The following AQP9 variants were observed in gnomAD, a reference collection of about 807,000 sequenced individuals.
AQP9 encodes aquaporin 9.
AQP9 carries 19 observed loss-of-function variants against 23.8 expected under a neutral mutation model. That is an observed-to-expected ratio of 0.80 (90% CI 0.56 to 1.17). The LOEUF (loss-of-function observed/expected upper bound fraction) is 1.17. Ranked by LOEUF, AQP9 falls within the 50% of genes most tolerant of loss-of-function variation. AQP9 has a pLI of 0.00. For synonymous variants in AQP9, 153 were observed against 131.5 expected, an observed-to-expected ratio of 1.16 and a Z score of -1.12; for missense variants, 413 against 362.0, an observed-to-expected ratio of 1.14 and a Z score of -1.14.
intron 1 of AQP9, chr15:58,153,032 G>T (rs186266932): frequency 6.6e-6 from 1 of 152,264 alleles, no homozygotes; most frequent in East Asian, 1.9e-4. Flanking sequence ...TATTGGATGA[G>T]AAGGTGTGGG....
chr15:58,147,418 G>C (rs1447388997), intron 1 of AQP9, among the ~76,000 whole-genome samples: 1 of 152,154 alleles, frequency 6.6e-6, no homozygotes, highest in South Asian at 2.1e-4. Context: ...GAAGAAATTA[G>C]GTGCCCATTA....
chr15:58,139,327 C>T (rs56019418), intron 1 of AQP9, among the ~76,000 whole-genome samples: 2,064 of 152,226 alleles, frequency 0.014, 30 homozygotes, highest in Non-Finnish European at 0.022. Context: ...TAGATATAAA[C>T]GAGGGACGAC....
chr15:58,177,254 A>G (rs545421053), intron 4 of AQP9, among the ~76,000 whole-genome samples: 2 of 152,306 alleles, frequency 1.3e-5, no homozygotes, highest in South Asian at 4.1e-4. Context: ...TATTTACCCA[A>G]TAACTATTTA....
At position 58,173,219 on chromosome 15, in the gene AQP9, C is replaced by T. The variant is rs1566989314; in HGVS notation, c.376+14C>T. 6.2e-7 allele frequency: 1 copy of T among 1,614,002 alleles called. No homozygotes were observed. The highest frequency in any genetic ancestry group is 8.5e-7 in the Non-Finnish European group (1 of 1,179,982). The stretch of plus-strand genomic sequence containing the variant: ...GCATTTACTATGGTGAGTAAAGTCC[C>T]TGAGTCCTAAGGTTAGGAAGAGCTG... On this transcript the variant is annotated intron_variant, in intron 3 of 5. Coordinates refer to ENST00000219919, the MANE Select transcript of AQP9 (RefSeq NM_020980.5).
intron 4 of AQP9, among the ~76,000 whole-genome samples, chr15:58,177,768 T>C (rs1898791704): frequency 6.6e-6 from 1 of 152,226 alleles, no homozygotes; most frequent in South Asian, 2.1e-4. Flanking sequence ...CAATAAATAA[T>C]AGCTATCATT....
In AQP9 at chr15:58,166,713, G is replaced by A. The variant is rs751975709; in HGVS notation, c.152G>A (p.Arg51Gln). 1.7e-5 allele frequency: 27 copies of A among 1,613,166 alleles called. No individual in the cohort carries two copies. The highest frequency in any genetic ancestry group is 1.6e-4 in the Middle Eastern group (1 of 6,082). The change falls in exon 2 of 6, where the codon CGA (arginine) becomes CAA (glutamine). Residue 51 changes from arginine to glutamine, a missense_variant. Coordinates refer to ENST00000219919, the MANE Select transcript of AQP9 (RefSeq NM_020980.5). The part of the protein sequence containing the change: ...CGCVAQAILS[R>Q]GRFGGVITIN... ...TGTGTTGCCCAAGCTATTCTCAGTC[G>A]AGGACGTTTTGGAGGGGTCATCACT...
chr15:58,139,261 A>G (rs1897911639), intron 1 of AQP9, among the ~76,000 whole-genome samples: 1 of 152,230 alleles, frequency 6.6e-6, no homozygotes, highest in Non-Finnish European at 1.5e-5. Context: ...CTCTATTTAA[A>G]GCAAAGTAAT....
chr15:58,174,909 C>A lies in AQP9; in HGVS notation c.377-9C>A, dbSNP rs773916250. ...GAACACTAATGTGCCAGAGCTTTCTCTTTCATAGATGGACTTATGTCCTTT... is the reference window on the plus strand; with the variant it reads ...GAACACTAATGTGCCAGAGCTTTCTATTTCATAGATGGACTTATGTCCTTT... On this transcript the variant is annotated splice_polypyrimidine_tract_variant and intron_variant, in intron 3 of 5. Coordinates refer to ENST00000219919, the MANE Select transcript of AQP9 (RefSeq NM_020980.5). 1 of 1,611,622 alleles carries A rather than the reference C, an allele frequency of 6.2e-7. No individual in the cohort carries two copies. Among genetic ancestry groups the A allele is most frequent in the Admixed American group, 1.7e-5 (1 of 60,020 alleles).
intron 2 of AQP9, 80 bp from the exon 3 acceptor site, chr15:58,172,988 T>G: frequency 6.4e-7 from 1 of 1,566,662 alleles, no homozygotes; most frequent in Non-Finnish European, 8.7e-7. Context: ...AAGACTGAAT[T>G]CCACCTGAGG....
intron 5 of AQP9, among the ~76,000 whole-genome samples, chr15:58,181,098 G>A (rs1898877976): frequency 1.3e-5 from 2 of 152,140 alleles, no homozygotes; most frequent in African/African-American, 2.4e-5. Context: ...AAAGAGACAT[G>A]GTGGTTCCAA....
At chr15:58,162,702 T>C (rs1898408547) in intron 1 of AQP9, among the ~76,000 whole-genome samples, 1 of 152,154 alleles carries the variant, frequency 6.6e-6, no homozygotes, top group Non-Finnish European at 1.5e-5. Flanking sequence ...TCAGCAACCA[T>C]ATTGTAAAGA....
At chr15:58,175,099 C>T in intron 4 of AQP9, 63 bp downstream of exon 4, 1 of 1,397,834 alleles carries the variant, frequency 7.2e-7, no homozygotes, top group South Asian at 1.2e-5. Flanking sequence ...AAGGGGAATG[C>T]ATTGGAGAAT....
intron 5 of AQP9, among the ~76,000 whole-genome samples, chr15:58,182,108 A>T (rs1314445673): frequency 6.6e-6 from 1 of 152,232 alleles, no homozygotes; most frequent in Admixed American, 6.5e-5. Context: ...GCAAGAGTCA[A>T]CAGACCCTGG....
intron 1 of AQP9, among the ~76,000 whole-genome samples, chr15:58,140,778 G>T (rs542447590): frequency 1.3e-5 from 2 of 151,966 alleles, no homozygotes; most frequent in Non-Finnish European, 2.9e-5. Flanking sequence ...TTTTTTTTCC[G>T]CCAACCTTGG....
intron 5 of AQP9, among the ~76,000 whole-genome samples, chr15:58,182,521 T>A (rs545775613): frequency 1.3e-4 from 20 of 152,270 alleles, no homozygotes; most frequent in African/African-American, 4.8e-4. Context: ...AGGAAGAAAT[T>A]TGCCATAAAA....
intron 1 of AQP9, among the ~76,000 whole-genome samples, chr15:58,146,555 C>T (rs963610854): frequency 2.6e-5 from 4 of 152,210 alleles, no homozygotes; most frequent in South Asian, 2.1e-4. Flanking sequence ...TCTGTCGTCT[C>T]GAGTTGCGGG....
intron 1 of AQP9, among the ~76,000 whole-genome samples, chr15:58,143,909 A>G (rs1312519554): frequency 6.6e-6 from 1 of 152,224 alleles, no homozygotes; most frequent in Non-Finnish European, 1.5e-5. Context: ...TATGTGTATT[A>G]TAAAATTGCT....
intron 1 of AQP9, among the ~76,000 whole-genome samples, chr15:58,159,809 C>A (rs1480531037): frequency 6.6e-6 from 1 of 152,160 alleles, no homozygotes; most frequent in Admixed American, 6.5e-5. Flanking sequence ...CCTCCAGTTC[C>A]ATTCACATTG....
At chr15:58,150,227 G>A (rs1898123410) in intron 1 of AQP9, 1 of 152,612 alleles carries the variant, frequency 6.6e-6, no homozygotes, top group African/African-American at 2.4e-5. Flanking sequence ...CTTGCATCAG[G>A]AGTTTCAATT....
Sources: gnomAD v4.1 joint callset for allele counts (sites outside exome capture counted in the v4.1 genomes callset) on GRCh38, gnomAD v4.1.1 for gene constraint, MANE v1.5 for transcripts, NCBI Gene and HGNC (gene_info 2026-07-23, HGNC 2026-07-21) for gene names.